MTCL1: variants seen among roughly 807,000 people sequenced by gnomAD.
MTCL1 encodes the protein microtubule cross-linking factor 1.
MTCL1 carries 79 observed loss-of-function variants against 141.4 expected under a neutral mutation model. That is an observed-to-expected ratio of 0.56 (90% CI 0.47 to 0.67). The LOEUF (loss-of-function observed/expected upper bound fraction) is 0.67. Ranked by LOEUF, MTCL1 falls within the 30% of genes least tolerant of loss-of-function variation. MTCL1 has a pLI of 0.00. For missense variants in MTCL1, 2,177 were observed against 2,113.9 expected, an observed-to-expected ratio of 1.03 and a Z score of -0.59; for synonymous variants, 914 against 875.8, an observed-to-expected ratio of 1.04 and a Z score of -0.77.
chr18:8,751,492 A>G lies in MTCL1; in HGVS notation c.358-26341A>G, dbSNP rs532850502. On this transcript the variant is annotated intron_variant, in intron 4 of 16. Transcript: ENST00000359865. ...TAGAATGGTATTGTTTTGGGACAAG[A>G]TAACTGACATTTTGTGCTATAGTTT... 4.6e-5 allele frequency among the ~76,000 whole-genome samples: 7 copies of G among 152,364 alleles called. No individual in the cohort carries two copies. The East Asian group carries it at 7.7e-4, about 17-fold the overall frequency.
chr18:8,819,086 T>G (rs200023288), exon 13 of MTCL1: 1 of 1,614,264 alleles, frequency 6.2e-7, no homozygotes, highest in African/African-American at 1.3e-5. Context: ...CATGTGGCCT[T>G]GTGCAGATGC....
intron 4 of MTCL1, among the ~76,000 whole-genome samples, chr18:8,729,322 C>T (rs986828645): frequency 6.6e-6 from 1 of 151,976 alleles, no homozygotes; most frequent in African/African-American, 2.4e-5. Context: ...TCCCAAAGTG[C>T]TGGGATTACA....
At chr18:8,815,343 A>G (rs1399282916) in intron 12 of MTCL1, among the ~76,000 whole-genome samples, 2 of 151,960 alleles carry the variant, frequency 1.3e-5, no homozygotes, top group Non-Finnish European at 2.9e-5. Context: ...GAAATTGGAA[A>G]TCATCATTCT....
intron 1 of MTCL1, among the ~76,000 whole-genome samples, chr18:8,710,452 ACTTT>A (rs1213585452): frequency 1.5e-5 from 2 of 130,958 alleles, no homozygotes; most frequent in Admixed American, 1.6e-4. Context: ...AAACCCAGGC[ACTTT>A]CTTTTTTTTT....
chr18:8,829,645 C>T (rs1437502897), intron 16 of MTCL1: 1 of 985,104 alleles, frequency 1.0e-6, no homozygotes, highest in African/African-American at 1.8e-5. Context: ...AGTCATCCAC[C>T]CACCTCATCC....
chr18:8,829,736 G>A, intron 16 of MTCL1: 1 of 985,298 alleles, frequency 1.0e-6, no homozygotes, highest in Non-Finnish European at 1.2e-6. Flanking sequence ...AGGGAACACA[G>A]GGAGGGTCAA....
At chr18:8,832,126 A>G (rs1040551459) in exon 17 of MTCL1, 1 of 287,250 alleles carries the variant, frequency 3.5e-6, no homozygotes, top group Non-Finnish European at 6.5e-6. Flanking sequence ...AAAAATGTAC[A>G]TTTTAAGAGA....
chr18:8,763,606 C>T (rs928419410), intron 4 of MTCL1, among the ~76,000 whole-genome samples: 3 of 152,218 alleles, frequency 2.0e-5, no homozygotes, highest in African/African-American at 7.2e-5. Context: ...CTTTGCTTCA[C>T]GCTTCTACAT....
At chr18:8,748,132 C>T (rs2096350785) in intron 4 of MTCL1, among the ~76,000 whole-genome samples, 3 of 152,186 alleles carry the variant, frequency 2.0e-5, no homozygotes, top group Admixed American at 2.0e-4. Flanking sequence ...TTTCCTGGTT[C>T]TGCCCTGTTG....
intron 1 of MTCL1, chr18:8,717,849 A>G (rs2096139860): frequency 1.0e-6 from 1 of 976,194 alleles, no homozygotes; most frequent in Non-Finnish European, 1.2e-6. Flanking sequence ...GTGAATGGGA[A>G]AAAACAGACC....
chr18:8,813,337 C>T, intron 12 of MTCL1, 104 bp downstream of exon 11: 1 of 1,322,830 alleles, frequency 7.6e-7, no homozygotes, highest in Non-Finnish European at 1.0e-6. Flanking sequence ...CTTGCAGCAT[C>T]AGGATGCATG....
chr18:8,815,379 C>T lies in MTCL1; in HGVS notation c.2859+2146C>T, dbSNP rs143880144. ...CAGTACTGTCGCAAGGACAAAAAAC[C>T]GAACACCGCATATTCTCACTCATAG... is the stretch of plus-strand genomic sequence containing the variant. On this transcript the variant is annotated intron_variant, in intron 12 of 16. Coordinates refer to ENST00000359865, the Ensembl canonical transcript of MTCL1. 7.9e-3 allele frequency among the ~76,000 whole-genome samples: 1,204 copies of T among 152,054 alleles called. 15 individuals are homozygous for T. Among genetic ancestry groups the T allele is most frequent in the African/African-American group, 0.028 (1,157 of 41,468 alleles).
intron 4 of MTCL1, among the ~76,000 whole-genome samples, chr18:8,771,705 T>C (rs1396047398): frequency 2.0e-5 from 3 of 152,226 alleles, no homozygotes; most frequent in Admixed American, 1.3e-4. Flanking sequence ...TCATATTTTA[T>C]TTAATCATTT....
chr18:8,811,399 A>G (rs1381517932), intron 11 of MTCL1: 1 of 152,234 alleles, frequency 6.6e-6, no homozygotes, highest in Non-Finnish European at 1.5e-5. Flanking sequence ...ACTAGGCCCC[A>G]TCTCCGACAC....
intron 4 of MTCL1, among the ~76,000 whole-genome samples, chr18:8,726,497 G>A (rs2096213977): frequency 1.0e-5 from 1 of 96,964 alleles, no homozygotes; most frequent in South Asian, 3.4e-4. Flanking sequence ...GAGAGAGAGC[G>A]CGCGCGCGCG....
At chr18:8,740,403 T>A (rs1473058373) in intron 4 of MTCL1, among the ~76,000 whole-genome samples, 1 of 152,206 alleles carries the variant, frequency 6.6e-6, no homozygotes, top group Non-Finnish European at 1.5e-5. Flanking sequence ...GTGAGGCAGG[T>A]GGATTATTTT....
intron 4 of MTCL1, among the ~76,000 whole-genome samples, chr18:8,765,625 T>G (rs954444095): frequency 2.0e-5 from 3 of 152,210 alleles, no homozygotes; most frequent in Admixed American, 6.5e-5. Context: ...AGGAGGGTGC[T>G]GCAGCTACTC....
At chr18:8,792,722 TG>T (rs1568047566) in intron 7 of MTCL1, among the ~76,000 whole-genome samples, 1 of 152,148 alleles carries the variant, frequency 6.6e-6, no homozygotes, top group Non-Finnish European at 1.5e-5. Context: ...TCTCTCAGTC[TG>T]GTTTGTGGTT....
At chr18:8,761,764 A>T (rs1004504845) in intron 4 of MTCL1, among the ~76,000 whole-genome samples, 1 of 152,178 alleles carries the variant, frequency 6.6e-6, no homozygotes, top group African/African-American at 2.4e-5. Context: ...TCCCCTTTAT[A>T]AAACCATCAC....
Sources: allele counts gnomAD v4.1 joint callset (sites outside exome capture counted in the v4.1 genomes callset), GRCh38; gene constraint gnomAD v4.1.1; transcripts MANE v1.5; gene names NCBI Gene and HGNC (gene_info 2026-07-23, HGNC 2026-07-21).